Variants in GON4L observed in about 807,000 individuals in gnomAD.
GON4L encodes gon-4 like, also known as GON-4-like protein.
GON4L carries 87 observed loss-of-function variants against 211.8 expected under a neutral mutation model. The observed-to-expected ratio is 0.41, with a 90% CI of 0.35 to 0.49. The LOEUF is 0.49. Ranked by LOEUF, GON4L falls within the 20% of genes least tolerant of loss-of-function variation. The pLI is 0.15. For missense variants in GON4L, 2,155 were observed against 2,659.5 expected (o/e 0.81, Z 4.17); for synonymous variants, 875 against 962.6 (o/e 0.91, Z 1.68).
intron 11 of GON4L, among the ~76,000 whole-genome samples, chr1:155,801,909 C>T (rs1376293166): frequency 6.6e-6 from 1 of 151,664 alleles, no homozygotes; most frequent in Non-Finnish European, 1.5e-5. Context: ...AATGAGGTCT[C>T]ACTGTGTTTC....
chr1:155,748,368 G>A (rs1660338820), downstream of GON4L: 3 of 1,581,728 alleles, frequency 1.9e-6, no homozygotes, highest in East Asian at 2.2e-5. Context: ...CCAGGCCCGA[G>A]GCCAAGTGCC....
intron 2 of GON4L, among the ~76,000 whole-genome samples, chr1:155,842,432 G>A (rs1268739363): frequency 1.3e-5 from 2 of 150,514 alleles, no homozygotes; most frequent in South Asian, 2.1e-4. Context: ...GCTGAGGCAG[G>A]AGAATGGTGT....
At chr1:155,761,229 G>A (rs1325055541) in intron 23 of GON4L, among the ~76,000 whole-genome samples, 2 of 139,050 alleles carry the variant, frequency 1.4e-5, no homozygotes, top group Admixed American at 7.5e-5. Context: ...TGCCCAGGAT[G>A]GAGTGCACTG....
chr1:155,775,470 T>TC (rs1663687694), intron 16 of GON4L, among the ~76,000 whole-genome samples: 1 of 151,694 alleles, frequency 6.6e-6, no homozygotes, highest in African/African-American at 2.4e-5. Flanking sequence ...TTTTTTTTTT[T>TC]TCGAGACGGA....
At chr1:155,828,577 T>TG (rs1669438150) in intron 2 of GON4L, among the ~76,000 whole-genome samples, 1 of 150,800 alleles carries the variant, frequency 6.6e-6, no homozygotes, top group Non-Finnish European at 1.5e-5. Context: ...GAGGCTGAGA[T>TG]GGGTGGATCA....
At chr1:155,768,566 A>G (rs192797138) in intron 19 of GON4L, among the ~76,000 whole-genome samples, 188 of 148,698 alleles carry the variant, frequency 1.3e-3, no homozygotes, top group South Asian at 2.6e-3. Context: ...AGCCGAGATC[A>G]CACCACTGCA....
chr1:155,829,726 CTCTATT>C (rs1309767249), intron 2 of GON4L, among the ~76,000 whole-genome samples: 3 of 152,148 alleles, frequency 2.0e-5, no homozygotes, highest in African/African-American at 7.2e-5. Flanking sequence ...GGTTTGCTTT[CTCTATT>C]TCTCTTATTC....
intron 6 of GON4L, 114 bp from the exon 7 acceptor site, chr1:155,816,376 A>C: frequency 1.6e-6 from 1 of 635,212 alleles, no homozygotes; most frequent in South Asian, 1.9e-5. Context: ...AACTGCAGTG[A>C]TCTAGAGGTG....
At chr1:155,769,688 C>A (rs542321590) in intron 19 of GON4L, among the ~76,000 whole-genome samples, 2 of 152,218 alleles carry the variant, frequency 1.3e-5, no homozygotes, top group East Asian at 3.9e-4. Context: ...ACAAAATGTT[C>A]AGCAGGAAAG....
In GON4L at chr1:155,752,024, C is replaced by T; in HGVS notation, c.6409G>A (p.Ala2137Thr). The T allele has an allele frequency of 6.2e-7, 1 of 1,613,716 alleles. No homozygotes were observed. The highest frequency in any genetic ancestry group is 8.5e-7 in the Non-Finnish European group (1 of 1,179,652). ...TTGCTGTTGTTGGCACACACCGTAG[C>T]TTCTGCGGCCTTTGGCTGCTGCTCC... ...EGEQQPKAAE[A>T]TVCANNSKVS... The change falls in exon 30 of 32, where the codon GCT (alanine) becomes ACT (threonine). Residue 2137 changes from alanine (A) to threonine (T), a missense_variant. Transcript: ENST00000368331.
chr1:155,777,539 A>T, intron 15 of GON4L, 83 bp downstream of exon 15: 1 of 1,007,288 alleles, frequency 9.9e-7, no homozygotes, highest in Non-Finnish European at 1.6e-6. Context: ...ATATCGGGCC[A>T]CTGCACTCCA....
chr1:155,850,704 T>A (rs1671690185), intron 2 of GON4L, among the ~76,000 whole-genome samples: 1 of 151,758 alleles, frequency 6.6e-6, no homozygotes, highest in Non-Finnish European at 1.5e-5. Context: ...TAGGACAAAA[T>A]AAGAACAAGT....
intron 2 of GON4L, chr1:155,845,518 T>G (rs1226236638): frequency 3.0e-6 from 1 of 338,474 alleles, no homozygotes; most frequent in Non-Finnish European, 6.0e-6. Context: ...TGAAAGTACT[T>G]GATGTATCCA....
At chr1:155,827,057 C>T (rs746083006) in intron 2 of GON4L, 29 bp from the exon 3 acceptor site, 1 of 1,502,702 alleles carries the variant, frequency 6.7e-7, no homozygotes, top group African/African-American at 1.4e-5. Context: ...TTGCTCCACA[C>T]TTTGACCATT....
intron 12 of GON4L, among the ~76,000 whole-genome samples, chr1:155,793,665 G>A (rs1345783450): frequency 2.0e-5 from 3 of 151,896 alleles, no homozygotes; most frequent in African/African-American, 7.3e-5. Flanking sequence ...CTGGAGTGCA[G>A]TGGCACTATC....
chr1:155,778,465 A>G (rs1664059009), intron 14 of GON4L, among the ~76,000 whole-genome samples: 1 of 152,102 alleles, frequency 6.6e-6, no homozygotes, highest in South Asian at 2.1e-4. Flanking sequence ...GTTAGCCAGG[A>G]CGGTCTCCAT....
Position 155,765,523 on chromosome 1 carries a change from G to T in GON4L, c.3950C>A (p.Thr1317Asn), listed in dbSNP as rs1394700059. 6.2e-7 allele frequency: 1 copy of T among 1,614,014 alleles called. No individual in the cohort carries two copies. The highest frequency in any genetic ancestry group is 1.3e-5 in the African/African-American group (1 of 74,886). The stretch of plus-strand genomic sequence containing the variant: ...GACAATTTCCTCTAAATCCCCAGGG[G>T]TAGGGTTGTTTAGAGACTCCTGGAT... ...QGIQESLNNPTPGDLEEIVKM... is the reference protein window; with the variant it reads ...QGIQESLNNPNPGDLEEIVKM... The change falls in exon 21 of 32, where the codon ACC becomes AAC. Residue 1317 changes from threonine (T) to asparagine (N), a missense_variant. By Grantham distance (65) the Thr-to-Asn change is moderately conservative. This residue lies in a region of GON4L where 615 missense variants were observed against 625.7 expected (regional missense o/e 0.98). Coordinates refer to ENST00000368331, the MANE Select transcript of GON4L (RefSeq NM_001282860.2).
In GON4L at chr1:155,853,512, G is replaced by C. The variant is rs1444518767; in HGVS notation, c.269C>G (p.Pro90Arg). ...GGCCACATCAACACCTTCTAGAATT[G>C]GTACATTTGTGTTCTGGGTGAGCAT... ...SGMLTQNTNV[P>R]ILEGVDVAIS... The change falls in exon 2 of 32, where the codon CCA (proline) becomes CGA (arginine). Residue 90 changes from proline to arginine, a missense_variant. This residue lies in a region of GON4L where 313 missense variants were observed against 293.2 expected (regional missense o/e 1.07). Coordinates refer to ENST00000368331, the MANE Select transcript of GON4L (RefSeq NM_001282860.2). 2 of 1,614,140 alleles carry C rather than the reference G, an allele frequency of 1.2e-6. No individual in the cohort carries two copies. Among genetic ancestry groups the C allele is most frequent in the East Asian group, 2.2e-5 (1 of 44,890 alleles).
chr1:155,775,611 AC>A (rs1424374069), intron 16 of GON4L, among the ~76,000 whole-genome samples: 1 of 151,708 alleles, frequency 6.6e-6, no homozygotes, highest in Non-Finnish European at 1.5e-5. Context: ...GGCGCCCGCT[AC>A]CACGCCCGGC....
Sources: gnomAD v4.1 joint callset for allele counts (sites outside exome capture counted in the v4.1 genomes callset) on GRCh38, gnomAD v4.1.1 for gene constraint, gnomAD v4.1.1 regional missense constraint, MANE v1.5 for transcripts, NCBI Gene and HGNC (gene_info 2026-07-23, HGNC 2026-07-21) for gene names.